ROBO1: variants seen among roughly 807,000 people sequenced by gnomAD.
ROBO1 encodes roundabout guidance receptor 1.
Under a neutral mutation model 195.9 loss-of-function variants are expected in ROBO1, and 149 were observed. The ratio of observed to expected loss-of-function variants is 0.76; its 90% confidence interval spans 0.67 to 0.87. The LOEUF (loss-of-function observed/expected upper bound fraction) is 0.87. ROBO1 is among the 40% of genes least tolerant of loss of function. The probability of loss-of-function intolerance (pLI) is 0.00; values close to 1 mark genes in which losing one functional copy is unlikely to be tolerated. For synonymous variants in ROBO1, 816 were observed against 733.2 expected (o/e 1.11, Z -1.82); for missense variants, 1,933 against 2,068.3 (o/e 0.93, Z 1.27).
intron 2 of ROBO1, among the ~76,000 whole-genome samples, chr3:79,157,482 C>G (rs1471110706): frequency 6.6e-6 from 1 of 151,854 alleles, no homozygotes; most frequent in Non-Finnish European, 1.5e-5. Context: ...GAAAAAAACA[C>G]AAACACCCAT....
chr3:79,305,487 C>CAAAAAAAAAA (rs755731665), intron 2 of ROBO1, among the ~76,000 whole-genome samples: 1 of 55,704 alleles, frequency 1.8e-5, no homozygotes. Context: ...AACTCCATCT[C>CAAAAAAAAAA]AAAAAAAAAA....
intron 3 of ROBO1, among the ~76,000 whole-genome samples, chr3:79,038,003 A>T (rs1000958329): frequency 6.6e-6 from 1 of 152,146 alleles, no homozygotes; most frequent in Non-Finnish European, 1.5e-5. Context: ...AGATTTTTTT[A>T]AAAATTAGAT....
At chr3:78,962,850 CTT>C (rs1334226503) in intron 3 of ROBO1, among the ~76,000 whole-genome samples, 1 of 114,484 alleles carries the variant, frequency 8.7e-6, no homozygotes. Context: ...AAAAAAAAAA[CTT>C]TTCACATTTA....
intron 1 of ROBO1, among the ~76,000 whole-genome samples, chr3:79,592,035 C>G (rs1481760339): frequency 6.6e-6 from 1 of 151,754 alleles, no homozygotes; most frequent in Non-Finnish European, 1.5e-5. Flanking sequence ...TTGCTTATTA[C>G]TTAAAAATTT....
At chr3:79,168,292 T>C (rs532137984) in intron 2 of ROBO1, among the ~76,000 whole-genome samples, 1 of 152,294 alleles carries the variant, frequency 6.6e-6, no homozygotes, top group East Asian at 1.9e-4. Context: ...GTCAGGAACT[T>C]TGGCTTTATT....
intron 2 of ROBO1, among the ~76,000 whole-genome samples, chr3:79,513,278 T>A (rs939400203): frequency 1.3e-5 from 2 of 152,120 alleles, no homozygotes; most frequent in African/African-American, 4.8e-5. Flanking sequence ...AACTAGTAGA[T>A]GACTTAAAAT....
At chr3:79,683,740 G>C (rs909990227) in intron 1 of ROBO1, among the ~76,000 whole-genome samples, 4 of 151,860 alleles carry the variant, frequency 2.6e-5, no homozygotes, top group Admixed American at 2.0e-4. Flanking sequence ...ACTTAGCATG[G>C]TTTCAAGATT....
chr3:78,654,831 G>T (rs1185317105), intron 18 of ROBO1, among the ~76,000 whole-genome samples: 2 of 152,118 alleles, frequency 1.3e-5, no homozygotes, highest in Middle Eastern at 3.4e-3. Flanking sequence ...CCAAAAAACA[G>T]AACTAAATAA....
chr3:79,139,887 T>C (rs753257403), intron 2 of ROBO1, among the ~76,000 whole-genome samples: 42 of 152,196 alleles, frequency 2.8e-4, no homozygotes, highest in Non-Finnish European at 1.0e-4. Context: ...GCTAATTAAA[T>C]GGTGCTTGAA....
chr3:79,227,222 T>TC (rs2082241542), intron 2 of ROBO1, among the ~76,000 whole-genome samples: 1 of 152,110 alleles, frequency 6.6e-6, no homozygotes, highest in South Asian at 2.1e-4. Flanking sequence ...TAGCAGCTGT[T>TC]TTTCCCCAGG....
chr3:78,758,994 T>C (rs2083017357), intron 4 of ROBO1: 1 of 152,228 alleles, frequency 6.6e-6, no homozygotes, highest in South Asian at 2.1e-4. Flanking sequence ...TAGGAAGGCA[T>C]TGCTGCGAGA....
intron 1 of ROBO1, among the ~76,000 whole-genome samples, chr3:79,646,986 G>A (rs1024383686): frequency 6.6e-6 from 1 of 151,992 alleles, no homozygotes; most frequent in African/African-American, 2.4e-5. Flanking sequence ...AAGACCTGGT[G>A]TTAGACAGAT....
At chr3:79,036,733 G>A (rs930306956) in intron 3 of ROBO1, among the ~76,000 whole-genome samples, 4 of 152,158 alleles carry the variant, frequency 2.6e-5, no homozygotes, top group South Asian at 2.1e-4. Flanking sequence ...CCTCAAATTC[G>A]ATATTTTAAG....
chr3:78,728,094 A>G (rs941123910), intron 5 of ROBO1, among the ~76,000 whole-genome samples: 5 of 151,996 alleles, frequency 3.3e-5, no homozygotes, highest in African/African-American at 1.2e-4. Flanking sequence ...TGATCTTTCT[A>G]TTTTTTATAA....
chr3:79,173,082 T>C (rs2081194998), intron 2 of ROBO1, among the ~76,000 whole-genome samples: 1 of 152,092 alleles, frequency 6.6e-6, no homozygotes, highest in Non-Finnish European at 1.5e-5. Context: ...CAGAAGTGCT[T>C]TACATGGGTT....
At chr3:79,738,249 G>C (rs1027484700) in intron 1 of ROBO1, among the ~76,000 whole-genome samples, 5 of 152,104 alleles carry the variant, frequency 3.3e-5, no homozygotes, top group African/African-American at 1.2e-4. Flanking sequence ...ACAGTTTACT[G>C]AGATTTAAAG....
intron 3 of ROBO1, among the ~76,000 whole-genome samples, chr3:79,054,873 G>A (rs540470424): frequency 4.6e-5 from 7 of 152,166 alleles, no homozygotes; most frequent in East Asian, 1.9e-4. Flanking sequence ...CCAACATTGC[G>A]TTTCCACTTC....
rs76745050 is a variant in ROBO1, at chr3:79,253,621, A to T, written c.89-128082T>A. The stretch of plus-strand genomic sequence containing the variant: ...ATGCCAATTAGAACAAGGAAACACA[A>T]AAACAACATTCAAAGTTATAGGCAC... On this transcript the variant is annotated intron_variant, in intron 2 of 30. Coordinates refer to ENST00000464233, the MANE Select transcript of ROBO1 (RefSeq NM_002941.4). Among the ~76,000 whole-genome samples the T allele has an allele frequency of 1.8e-4, 28 of 152,360 alleles. 1 individual carries two copies. The East Asian group carries it at 5.2e-3, about 28-fold the overall frequency.
intron 1 of ROBO1, among the ~76,000 whole-genome samples, chr3:79,601,402 A>C (rs1944335261): frequency 6.6e-6 from 1 of 152,026 alleles, no homozygotes; most frequent in Admixed American, 6.6e-5. Context: ...TGAACTGAGC[A>C]AATGAAGTTT....
Sources: gnomAD v4.1 joint callset for allele counts (sites outside exome capture counted in the v4.1 genomes callset) on GRCh38, gnomAD v4.1.1 for gene constraint, MANE v1.5 for transcripts, NCBI Gene and HGNC (gene_info 2026-07-23, HGNC 2026-07-21) for gene names.